The following CACNA1C variants were observed in gnomAD, a reference collection of about 807,000 sequenced individuals.
The protein encoded by CACNA1C is calcium voltage-gated channel subunit alpha1 C, also known as voltage-dependent L-type calcium channel subunit alpha-1C.
Under a neutral mutation model 229.0 loss-of-function variants are expected in CACNA1C, and 30 were observed. The observed-to-expected ratio is 0.13, with a 90% CI of 0.10 to 0.18. CACNA1C has a LOEUF of 0.18. Among genes scored for constraint, CACNA1C ranks in the 10% least tolerant of loss-of-function variants. The pLI is 1.00. For missense variants in CACNA1C, 1,658 were observed against 2,845.0 expected (o/e 0.58, Z 9.49); for synonymous variants, 1,114 against 1,132.5 (o/e 0.98, Z 0.33).
In CACNA1C at chr12:2,597,477, C is replaced by A; in HGVS notation, c.2853+188C>A. The A allele has an allele frequency of 6.2e-7, 1 of 1,606,538 alleles. No homozygotes were observed. Among genetic ancestry groups the A allele is most frequent in the Non-Finnish European group, 8.5e-7 (1 of 1,173,158 alleles). On this transcript the variant is annotated intron_variant, in intron 21 of 46. Coordinates refer to ENST00000399655, the MANE Select transcript of CACNA1C (RefSeq NM_000719.7). The surrounding 1 kb of genome is among the most constrained non-coding windows in gnomAD (Gnocchi z 4.3). Reference sequence around the variant, plus strand: ...GACTATGTCTTCACTAGTATCTTTACATTAGAAATTATCCTTAAGGTAATG... The same window carrying A: ...GACTATGTCTTCACTAGTATCTTTAAATTAGAAATTATCCTTAAGGTAATG...
chr12:2,258,634 A>T (rs964423096), intron 3 of CACNA1C, among the ~76,000 whole-genome samples: 1 of 152,222 alleles, frequency 6.6e-6, no homozygotes, highest in Admixed American at 6.5e-5. Flanking sequence ...ACCAGATTTA[A>T]TCCAGGGCCC....
At chr12:2,297,786 C>G (rs1486016037) in intron 3 of CACNA1C, among the ~76,000 whole-genome samples, 1 of 152,050 alleles carries the variant, frequency 6.6e-6, no homozygotes, top group Non-Finnish European at 1.5e-5. Flanking sequence ...CTGTAATGTG[C>G]ATATACGTGT....
In CACNA1C at chr12:2,691,405, G is replaced by A. The variant is rs2097786821; in HGVS notation, c.*206G>A. 8.3e-6 allele frequency: 4 copies of A among 481,134 alleles called. No individual in the cohort carries two copies. Among genetic ancestry groups the A allele is most frequent in the South Asian group, 1.7e-4 (2 of 11,470 alleles). 29.8% of individuals were successfully genotyped at this position (481,134 alleles called of 1,614,324 possible). A position where few individuals can be genotyped will look rare whatever the true frequency, so the allele number is the denominator to read the frequency against. On this transcript the variant is annotated 3_prime_UTR_variant, in exon 47 of 47. Transcript: ENST00000399655. ...GCTGCGTCTGCAGAGGCGGGGAGAG[G>A]AGGCGGCGAGGGTCCCGGGGCGCGA... is the stretch of plus-strand genomic sequence containing the variant.
chr12:2,628,373 G>A (rs1353233103), intron 29 of CACNA1C, among the ~76,000 whole-genome samples: 1 of 152,206 alleles, frequency 6.6e-6, no homozygotes, highest in Non-Finnish European at 1.5e-5. Context: ...CCTGCACCCT[G>A]TCGCCAATCC....
At chr12:2,570,201 T>C (rs1038078327) in intron 13 of CACNA1C, among the ~76,000 whole-genome samples, 2 of 152,136 alleles carry the variant, frequency 1.3e-5, no homozygotes, top group Non-Finnish European at 2.9e-5. Context: ...AAATCTCTGC[T>C]TTGGGGAATC....
intron 8 of CACNA1C, among the ~76,000 whole-genome samples, chr12:2,511,850 C>T (rs1000637795): frequency 6.6e-6 from 1 of 152,136 alleles, no homozygotes; most frequent in African/African-American, 2.4e-5. Context: ...ATAGGCCATT[C>T]TTCCAGCAAA....
intron 1 of CACNA1C, among the ~76,000 whole-genome samples, chr12:2,015,954 T>C (rs1037459940): frequency 6.6e-6 from 1 of 152,168 alleles, no homozygotes; most frequent in Non-Finnish European, 1.5e-5. Flanking sequence ...ACTTAATAAA[T>C]ACAAATCACT....
intron 5 of CACNA1C, among the ~76,000 whole-genome samples, chr12:2,461,046 T>C (rs2154565700): frequency 6.6e-6 from 1 of 152,284 alleles, no homozygotes; most frequent in Non-Finnish European, 1.5e-5. Context: ...CCATAGGTTA[T>C]CTCTTTCTGT....
At chr12:2,377,186 CA>C (rs1011523693) in intron 3 of CACNA1C, among the ~76,000 whole-genome samples, 63 of 152,284 alleles carry the variant, frequency 4.1e-4, no homozygotes, top group African/African-American at 1.4e-3. Context: ...CCATAGTTAG[CA>C]TTTAAACACC....
At position 2,677,331 on chromosome 12, in the gene CACNA1C, G is replaced by T; in HGVS notation, c.4956+110G>T. ...GCAGGCTGGAGGCCAGGTCCCTGCA[G>T]AGGGAACCTTTCAGAGAGCTCCAGA... On this transcript the variant is annotated intron_variant, in intron 40 of 46. Transcript: ENST00000399655. The surrounding 1 kb of genome is among the most constrained non-coding windows in gnomAD (Gnocchi z 7.4). 8.0e-7 allele frequency: 1 copy of T among 1,251,678 alleles called. No individual in the cohort carries two copies. The highest frequency in any genetic ancestry group is 1.5e-5 in the African/African-American group (1 of 66,640). The allele number at this position is 1,251,678 out of a possible 1,614,324, so 77.5% of individuals were successfully genotyped here.
At chr12:2,389,395 G>C (rs2098447922) in intron 3 of CACNA1C, among the ~76,000 whole-genome samples, 1 of 152,114 alleles carries the variant, frequency 6.6e-6, no homozygotes, top group African/African-American at 2.4e-5. Context: ...GGGAAGGAGA[G>C]GGGTGAAAGA....
At chr12:2,350,095 G>T (rs969905399) in intron 3 of CACNA1C, among the ~76,000 whole-genome samples, 1 of 152,206 alleles carries the variant, frequency 6.6e-6, no homozygotes, top group African/African-American at 2.4e-5. Context: ...GTGAGAAGGT[G>T]ATCTTCTAGT....
intron 3 of CACNA1C, among the ~76,000 whole-genome samples, chr12:2,412,772 G>A (rs770545911): frequency 2.6e-5 from 4 of 152,276 alleles, no homozygotes; most frequent in African/African-American, 9.6e-5. Context: ...GGAGGAAGGG[G>A]CTATGCTGGA....
intron 13 of CACNA1C, among the ~76,000 whole-genome samples, chr12:2,570,562 G>C (rs1047683422): frequency 2.6e-5 from 4 of 152,166 alleles, no homozygotes; most frequent in African/African-American, 9.7e-5. Flanking sequence ...ACATACTCTT[G>C]TTCTTACTTA....
At chr12:2,035,034 C>A (rs2154492956) in intron 1 of CACNA1C, among the ~76,000 whole-genome samples, 1 of 152,330 alleles carries the variant, frequency 6.6e-6, no homozygotes, top group South Asian at 2.1e-4. Flanking sequence ...TTCAGAGCCG[C>A]AACCGCGACA....
chr12:2,173,511 C>T (rs1380925840), intron 3 of CACNA1C, among the ~76,000 whole-genome samples: 1 of 152,154 alleles, frequency 6.6e-6, no homozygotes, highest in Admixed American at 6.6e-5. Context: ...ATGTGGTCAC[C>T]TTACTTATGA....
intron 1 of CACNA1C, among the ~76,000 whole-genome samples, chr12:2,030,379 C>T (rs929980259): frequency 4.3e-4 from 59 of 136,420 alleles, no homozygotes; most frequent in Non-Finnish European, 3.1e-4. Flanking sequence ...TAAAATCTTG[C>T]CCAACATAGT....
At chr12:2,454,818 G>A (rs1324429540) in intron 4 of CACNA1C, among the ~76,000 whole-genome samples, 1 of 152,090 alleles carries the variant, frequency 6.6e-6, no homozygotes, top group Non-Finnish European at 1.5e-5. Flanking sequence ...CCCCTTTCAC[G>A]TTTTCAGCTG....
intron 3 of CACNA1C, among the ~76,000 whole-genome samples, chr12:2,124,706 G>A (rs986799554): frequency 2.0e-5 from 3 of 152,132 alleles, no homozygotes; most frequent in African/African-American, 7.2e-5. Context: ...TTGCCTGGAC[G>A]GGTAACCAGT....
Sources: allele counts gnomAD v4.1 joint callset (sites outside exome capture counted in the v4.1 genomes callset), GRCh38; gene constraint gnomAD v4.1.1; non-coding constraint Gnocchi (gnomAD v3.1); transcripts MANE v1.5; gene names NCBI Gene and HGNC (gene_info 2026-07-23, HGNC 2026-07-21).